LUZP2: variants seen among roughly 807,000 people sequenced by gnomAD.
The protein encoded by LUZP2 is leucine zipper protein 2.
A neutral mutation model predicts 51.6 loss-of-function variants in LUZP2; 52 were observed. That is an observed-to-expected ratio of 1.01 (90% CI 0.81 to 1.27). LUZP2 has a LOEUF of 1.27. Ranked by LOEUF, LUZP2 falls within the 50% of genes most tolerant of loss-of-function variation. LUZP2 has a pLI of 0.00. For missense variants in LUZP2, 436 were observed against 395.4 expected, an observed-to-expected ratio of 1.10 and a Z score of -0.87; for synonymous variants, 154 against 137.3, an observed-to-expected ratio of 1.12 and a Z score of -0.85.
At chr11:24,683,718 T>G (rs1306748178) in intron 1 of LUZP2, among the ~76,000 whole-genome samples, 1 of 152,186 alleles carries the variant, frequency 6.6e-6, no homozygotes, top group African/African-American at 2.4e-5. Flanking sequence ...TATATTTCTC[T>G]TCAATGGCAC....
At chr11:24,935,870 C>A (rs560607966) in intron 7 of LUZP2, among the ~76,000 whole-genome samples, 1 of 151,920 alleles carries the variant, frequency 6.6e-6, no homozygotes, top group South Asian at 2.1e-4. Context: ...CTTTTTATAT[C>A]TTTTATCCTA....
chr11:25,042,310 CAT>C (rs1052422183), intron 9 of LUZP2, among the ~76,000 whole-genome samples: 4 of 151,722 alleles, frequency 2.6e-5, no homozygotes, highest in African/African-American at 9.7e-5. Flanking sequence ...ATTTTTATTC[CAT>C]CCATTTACAA....
intron 5 of LUZP2, among the ~76,000 whole-genome samples, chr11:24,850,442 G>C (rs1230943413): frequency 6.6e-6 from 1 of 151,594 alleles, no homozygotes; most frequent in Non-Finnish European, 1.5e-5. Flanking sequence ...GTAGATTTGT[G>C]TTATTTCTGA....
At chr11:24,886,193 T>C (rs1301222307) in intron 5 of LUZP2, among the ~76,000 whole-genome samples, 3 of 152,174 alleles carry the variant, frequency 2.0e-5, no homozygotes, top group East Asian at 1.9e-4. Flanking sequence ...ATTTGAAAAA[T>C]ACTTTTTAGT....
intron 5 of LUZP2, among the ~76,000 whole-genome samples, chr11:24,893,810 T>C (rs1196846244): frequency 2.6e-5 from 4 of 151,858 alleles, no homozygotes; most frequent in Non-Finnish European, 2.9e-5. Flanking sequence ...GCACATGGTT[T>C]ATTATTTTTT....
At chr11:24,922,082 TG>T (rs767505897) in intron 7 of LUZP2, among the ~76,000 whole-genome samples, 1 of 152,290 alleles carries the variant, frequency 6.6e-6, no homozygotes, top group Non-Finnish European at 1.5e-5. Context: ...GCTGACCTGT[TG>T]GGGCATCATG....
In LUZP2 at chr11:24,729,240, T is replaced by A; in HGVS notation, c.134T>A (p.Leu45Gln). The A allele has an allele frequency of 2.5e-6, 4 of 1,576,876 alleles. No homozygotes were observed. The highest frequency in any genetic ancestry group is 3.5e-6 in the Non-Finnish European group (4 of 1,155,276). Reference sequence around the variant, plus strand: ...GAGCGAAGCACCATTCTTCGTCAGCTGACAAAGACATCAAGAGAACTTGAT... The same window carrying A: ...GAGCGAAGCACCATTCTTCGTCAGCAGACAAAGACATCAAGAGAACTTGAT... ...FKERSTILRQ[L>Q]TKTSRELDGI... Residue 45 changes from leucine (L) to glutamine (Q), a missense_variant, in exon 2 of 12, where the codon CTG (leucine) becomes CAG (glutamine). Physicochemically the swap from Leu to Gln is moderately radical, Grantham distance 113 (BLOSUM62 -2). Transcript: ENST00000336930.
intron 8 of LUZP2, among the ~76,000 whole-genome samples, chr11:24,977,360 A>G (rs767719583): frequency 9.2e-5 from 14 of 151,730 alleles, no homozygotes; most frequent in Non-Finnish European, 1.6e-4. Context: ...TAAATACACA[A>G]AACACATTTT....
At chr11:25,066,241 A>T (rs1398737090) in intron 10 of LUZP2, among the ~76,000 whole-genome samples, 1 of 151,782 alleles carries the variant, frequency 6.6e-6, no homozygotes, top group Non-Finnish European at 1.5e-5. Flanking sequence ...GATGAGGCAA[A>T]TTTTCATTCA....
chr11:24,923,132 GC>G (rs1203918815), intron 7 of LUZP2, among the ~76,000 whole-genome samples: 1 of 151,836 alleles, frequency 6.6e-6, no homozygotes, highest in Non-Finnish European at 1.5e-5. Flanking sequence ...ACCGGCGTGA[GC>G]CACCGCGCCC....
chr11:24,868,101 A>G (rs984376297), intron 5 of LUZP2, among the ~76,000 whole-genome samples: 1 of 152,148 alleles, frequency 6.6e-6, no homozygotes, highest in African/African-American at 2.4e-5. Context: ...CTCTCAGACC[A>G]CTGAAGAAAA....
intron 1 of LUZP2, among the ~76,000 whole-genome samples, chr11:24,517,358 T>A (rs887334489): frequency 6.6e-6 from 1 of 151,228 alleles, no homozygotes; most frequent in African/African-American, 2.4e-5. Context: ...TGGTGGCGGG[T>A]TCCTGTAGTC....
intron 1 of LUZP2, among the ~76,000 whole-genome samples, chr11:24,634,574 C>T (rs907988229): frequency 4.0e-5 from 6 of 151,374 alleles, no homozygotes; most frequent in African/African-American, 1.5e-4. Context: ...TCTTCAAGTT[C>T]TCCTAGTGTT....
At chr11:24,843,213 C>A (rs911287851) in intron 5 of LUZP2, among the ~76,000 whole-genome samples, 3 of 151,812 alleles carry the variant, frequency 2.0e-5, no homozygotes, top group African/African-American at 4.8e-5. Context: ...ATTAAAGAAA[C>A]AGAGTTATTA....
intron 5 of LUZP2, among the ~76,000 whole-genome samples, chr11:24,845,206 C>A (rs1479455679): frequency 6.6e-6 from 1 of 152,186 alleles, no homozygotes; most frequent in Non-Finnish European, 1.5e-5. Flanking sequence ...ACCATGGGAA[C>A]CCATCCCTTG....
At chr11:24,667,579 G>A (rs1206375444) in intron 1 of LUZP2, among the ~76,000 whole-genome samples, 1 of 152,102 alleles carries the variant, frequency 6.6e-6, no homozygotes, top group Non-Finnish European at 1.5e-5. Flanking sequence ...GAGCTGAGTG[G>A]GGAGAAAGCA....
At chr11:24,886,186 T>C (rs1852662526) in intron 5 of LUZP2, among the ~76,000 whole-genome samples, 1 of 152,318 alleles carries the variant, frequency 6.6e-6, no homozygotes, top group Admixed American at 6.5e-5. Context: ...AGGAATGATT[T>C]GAAAAATACT....
At chr11:24,950,151 G>A (rs1229106167) in intron 7 of LUZP2, among the ~76,000 whole-genome samples, 1 of 150,986 alleles carries the variant, frequency 6.6e-6, no homozygotes, top group African/African-American at 2.4e-5. Flanking sequence ...ATAGAATATA[G>A]GGTAGTGAGT....
At chr11:24,568,362 A>C (rs199567800) in intron 1 of LUZP2, among the ~76,000 whole-genome samples, 6 of 148,896 alleles carry the variant, frequency 4.0e-5, no homozygotes, top group African/African-American at 7.4e-5. Flanking sequence ...TCAGAAAAAA[A>C]AAAAAAAAAA....
Sources: gnomAD v4.1 joint callset for allele counts (sites outside exome capture counted in the v4.1 genomes callset) on GRCh38, gnomAD v4.1.1 for gene constraint, MANE v1.5 for transcripts, NCBI Gene and HGNC (gene_info 2026-07-23, HGNC 2026-07-21) for gene names.